Variants in LHX3 observed in about 807,000 individuals in gnomAD.
LHX3 encodes LIM/homeobox protein Lhx3.
In LHX3, 21 loss-of-function variants were observed where a neutral mutation model predicts 32.4. The observed-to-expected ratio is 0.65, with a 90% CI of 0.46 to 0.93. The LOEUF (loss-of-function observed/expected upper bound fraction) is 0.93. LHX3 is among the 40% of genes least tolerant of loss of function. The pLI is 0.00. For synonymous variants in LHX3, 258 were observed against 246.8 expected (o/e 1.05, Z -0.43); for missense variants, 626 against 560.0 (o/e 1.12, Z -1.19).
chr9:136,197,348 C>G lies in LHX3; in HGVS notation c.1171G>C (p.Glu391Gln), dbSNP rs1176606923. ...GGTCAGAACTGAGCGTGGTCTACCT[C>G]ATCCAGCCAGGAGGCGGGGCTGGCA... ...FPASPASWLD[E>Q]VDHAQF The change falls in exon 6 of 6, where the codon GAG becomes CAG. Residue 391 changes from glutamate to glutamine, a missense_variant. Physicochemically the swap from Glu to Gln is conservative, Grantham distance 29 (BLOSUM62 2). Coordinates refer to ENST00000371748, the MANE Select transcript of LHX3 (RefSeq NM_178138.6). 1.2e-6 allele frequency: 2 copies of G among 1,612,012 alleles called. No homozygotes were observed. Among genetic ancestry groups the G allele is most frequent in the Non-Finnish European group, 1.7e-6 (2 of 1,179,924 alleles).
chr9:136,199,906 A>T (rs1831598058), intron 2 of LHX3, 26 bp from the exon 3 acceptor site: 4 of 1,554,696 alleles, frequency 2.6e-6, no homozygotes. Flanking sequence ...GGCCGGGCTC[A>T]GCGCGGAAGC....
At position 136,197,139 on chromosome 9, in the gene LHX3, G is replaced by A; in HGVS notation, c.*186C>T. On this transcript the variant is annotated 3_prime_UTR_variant, in exon 6 of 6. Transcript: ENST00000371748. ...CACCTGGCGGGCCAGCCCTGTGTCAGAGGAGGGGCCAGGTGGGTCCCTCAG... is the reference window on the plus strand; with the variant it reads ...CACCTGGCGGGCCAGCCCTGTGTCAAAGGAGGGGCCAGGTGGGTCCCTCAG... The A allele has an allele frequency of 3.1e-6, 2 of 642,732 alleles. No individual in the cohort carries two copies. The highest frequency in any genetic ancestry group is 2.7e-6 in the Non-Finnish European group (1 of 371,128). The allele number at this position is 642,732 out of a possible 1,614,324, so 39.8% of individuals were successfully genotyped here.
At position 136,199,890 on chromosome 9, in the gene LHX3, G is replaced by T. The variant is rs1276230232; in HGVS notation, c.252-10C>A. 4 of 1,574,840 alleles carry T rather than the reference G, an allele frequency of 2.5e-6. No homozygotes were observed. The highest frequency in any genetic ancestry group is 3.4e-6 in the Non-Finnish European group (4 of 1,161,020). On this transcript the variant is annotated splice_polypyrimidine_tract_variant and intron_variant, in intron 2 of 5. Coordinates refer to ENST00000371748, the MANE Select transcript of LHX3 (RefSeq NM_178138.6). ...CTTGGTCCCGAAGCGCCTGCGGGACGCACAGGGCCGGGCTCAGCGCGGAAG... is the reference window on the plus strand; with the variant it reads ...CTTGGTCCCGAAGCGCCTGCGGGACTCACAGGGCCGGGCTCAGCGCGGAAG...
chr9:136,200,725 C>T lies in LHX3; in HGVS notation c.108G>A (p.Gln36=), dbSNP rs33998096. 0.014 allele frequency: 23,246 copies of T among 1,613,550 alleles called. 214 individuals carry two copies. The highest frequency in any genetic ancestry group is 0.017 in the Non-Finnish European group (20,533 of 1,180,024). Residue 36 remains glutamine, a synonymous_variant, in exon 2 of 6, where the codon CAG becomes CAA. Transcript: ENST00000371748. Reference sequence around the variant, plus strand: ...TGAGGATGAAGCGGTCCAGGATGTGCTGGTCACAGCCAGCGCACAGCGGGA... The same window carrying T: ...TGAGGATGAAGCGGTCCAGGATGTGTTGGTCACAGCCAGCGCACAGCGGGA... ...REIPLCAGCD[Q]HILDRFILKA...
At chr9:136,199,162 C>T in intron 3 of LHX3, 103 bp from the exon 4 acceptor site, 2 of 562,238 alleles carry the variant, frequency 3.6e-6, no homozygotes, top group Non-Finnish European at 5.1e-6. Context: ...GCCTCAGGTG[C>T]CCACCCCCAT....
chr9:136,201,507 C>T (rs1453578487), intron 1 of LHX3: 1 of 1,177,184 alleles, frequency 8.5e-7, no homozygotes, highest in Admixed American at 4.6e-5. Flanking sequence ...CTGTGGGAGC[C>T]TCGAGTCTGT....
At chr9:136,203,126 T>G in intron 1 of LHX3, 1 of 1,369,598 alleles carries the variant, frequency 7.3e-7, no homozygotes, top group Non-Finnish European at 9.4e-7. Flanking sequence ...CGAACCGGCG[T>G]CCAAGCGACT....
chr9:136,200,492 G>C (rs146921229), intron 2 of LHX3, 90 bp downstream of exon 2: 7 of 1,407,036 alleles, frequency 5.0e-6, no homozygotes, highest in Non-Finnish European at 5.9e-6. Context: ...CGCAGGCTTC[G>C]AGGGCCTGGC....
At chr9:136,198,508 T>A (rs1831548824) in intron 5 of LHX3, 144 bp downstream of exon 5, 1 of 973,192 alleles carries the variant, frequency 1.0e-6, no homozygotes, top group Admixed American at 2.4e-5. Context: ...GGGAGCAGGT[T>A]CTGTAAGTGA....
At chr9:136,200,798 C>T (rs1588626952) in intron 1 of LHX3, 45 bp from the exon 2 acceptor site, 2 of 1,608,360 alleles carry the variant, frequency 1.2e-6, no homozygotes, top group Non-Finnish European at 8.5e-7. Context: ...GACCAGGAGG[C>T]AGTGAAGCCA....
Position 136,197,160 on chromosome 9 carries a change from C to T in LHX3, c.*165G>A. 1.3e-6 allele frequency: 1 copy of T among 751,340 alleles called. No individual in the cohort carries two copies. The highest frequency in any genetic ancestry group is 2.2e-6 in the Non-Finnish European group (1 of 455,454). The allele number at this position is 751,340 out of a possible 1,614,324, so 46.5% of individuals were successfully genotyped here. On this transcript the variant is annotated 3_prime_UTR_variant, in exon 6 of 6. Transcript: ENST00000371748. Reference sequence around the variant, plus strand: ...GTCAGAGGAGGGGCCAGGTGGGTCCCTCAGCCCCCAGAGAGGGAGCTGTGC... The same window carrying T: ...GTCAGAGGAGGGGCCAGGTGGGTCCTTCAGCCCCCAGAGAGGGAGCTGTGC...
rs1831512346 is a variant in LHX3, at chr9:136,197,281, G to C, written c.*44C>G. On this transcript the variant is annotated 3_prime_UTR_variant, in exon 6 of 6. Coordinates refer to ENST00000371748, the MANE Select transcript of LHX3 (RefSeq NM_178138.6). ...CAGCAGCCCCGAGCCGCCCACCCAGGGGCAGCTCCCTCGTGTGAGGTGCAG... is the reference window on the plus strand; with the variant it reads ...CAGCAGCCCCGAGCCGCCCACCCAGCGGCAGCTCCCTCGTGTGAGGTGCAG... 2 of 1,604,674 alleles carry C rather than the reference G, an allele frequency of 1.2e-6. No individual in the cohort carries two copies. The highest frequency in any genetic ancestry group is 1.7e-6 in the Non-Finnish European group (2 of 1,175,040).
At chr9:136,204,394 C>CCGAAG (rs3834384) in intron 1 of LHX3, among the ~76,000 whole-genome samples, 2,537 of 152,318 alleles carry the variant, frequency 0.017, 65 homozygotes, top group South Asian at 0.11. Flanking sequence ...TCAGCTGCTG[C>CCGAAG]CGAAGCGATC....
chr9:136,200,061 G>T (rs1296578419), intron 2 of LHX3, 181 bp from the exon 3 acceptor site: 4 of 709,674 alleles, frequency 5.6e-6, no homozygotes, highest in African/African-American at 5.3e-5. Context: ...ACTGAGAAGG[G>T]AACCTCAATC....
At position 136,198,834 on chromosome 9, in the gene LHX3, G is replaced by A. The variant is rs1831560754; in HGVS notation, c.607-14C>T. 2 of 1,601,554 alleles carry A rather than the reference G, an allele frequency of 1.2e-6. No individual in the cohort carries two copies. The highest frequency in any genetic ancestry group is 3.4e-5 in the Admixed American group (2 of 59,596). ...CTGGAACCAAACCTGGGGGCGGGGC[G>A]GGGTGAGCGGCCGCCCGGCTCTGCG... On this transcript the variant is annotated splice_polypyrimidine_tract_variant and intron_variant, in intron 4 of 5. Transcript: ENST00000371748.
chr9:136,199,619 G>T, intron 3 of LHX3, 59 bp downstream of exon 3: 1 of 1,569,528 alleles, frequency 6.4e-7, no homozygotes. Context: ...CCCTGGGCGT[G>T]GCCTCAGCCC....
In LHX3 at chr9:136,200,653, G is replaced by A. The variant is rs1831618201; in HGVS notation, c.180C>T (p.Asp60=). 3 of 1,613,522 alleles carry A rather than the reference G, an allele frequency of 1.9e-6. No individual in the cohort carries two copies. The highest frequency in any genetic ancestry group is 1.3e-5 in the African/African-American group (1 of 74,958). The change falls in exon 2 of 6, where the codon GAC becomes GAT. Residue 60 remains aspartate (D), a synonymous_variant. Transcript: ENST00000371748. ...HWHSKCLKCS[D]CHTPLAERCF... is the part of the protein sequence containing the mutation. ...AGCGCTCGGCCAGTGGCGTGTGGCA[G>A]TCGCTGCACTTGAGACACTTGCTGT...
chr9:136,201,898 G>A (rs1046892182), intron 1 of LHX3, among the ~76,000 whole-genome samples: 2 of 152,104 alleles, frequency 1.3e-5, no homozygotes, highest in South Asian at 4.1e-4. Flanking sequence ...CCGACAGGCC[G>A]ACACAGCGCG....
In LHX3 at chr9:136,196,373, T is replaced by C. The variant is rs146829817; in HGVS notation, c.*952A>G. 5 of 152,542 alleles carry C rather than the reference T, an allele frequency of 3.3e-5. No individual in the cohort carries two copies. Among genetic ancestry groups the C allele is most frequent in the African/African-American group, 9.6e-5 (4 of 41,592 alleles). The allele number at this position is 152,542 out of a possible 1,614,324, so 9.4% of individuals were successfully genotyped here. ...GAGATTCAGGTTTGCGGGAGTGACTTTGACTTACACACAGGCCAGCCTTTG... is the reference window on the plus strand; with the variant it reads ...GAGATTCAGGTTTGCGGGAGTGACTCTGACTTACACACAGGCCAGCCTTTG... On this transcript the variant is annotated 3_prime_UTR_variant, in exon 6 of 6. Coordinates refer to ENST00000371748, the MANE Select transcript of LHX3 (RefSeq NM_178138.6).
Sources: allele counts gnomAD v4.1 joint callset (sites outside exome capture counted in the v4.1 genomes callset), GRCh38; gene constraint gnomAD v4.1.1; transcripts MANE v1.5; gene names NCBI Gene and HGNC (gene_info 2026-07-23, HGNC 2026-07-21).